The following SYTL2 variants were observed in gnomAD, a reference collection of about 807,000 sequenced individuals.
SYTL2 encodes synaptotagmin like 2, also known as synaptotagmin-like protein 2.
Under a neutral mutation model 198.7 loss-of-function variants are expected in SYTL2, and 165 were observed. The ratio of observed to expected loss-of-function variants is 0.83; its 90% confidence interval spans 0.73 to 0.94. SYTL2 has a LOEUF of 0.94. Among genes scored for constraint, SYTL2 ranks in the 40% least tolerant of loss-of-function variants. SYTL2 has a pLI of 0.00. For synonymous variants in SYTL2, 966 were observed against 917.7 expected (o/e 1.05, Z -0.95); for missense variants, 2,835 against 2,582.8 (o/e 1.10, Z -2.12).
chr11:85,772,435 T>C (rs1014259081), intron 1 of SYTL2, among the ~76,000 whole-genome samples: 2 of 152,216 alleles, frequency 1.3e-5, no homozygotes, highest in Non-Finnish European at 2.9e-5. Context: ...TGAAGTCCTA[T>C]AAGGTTGTAT....
chr11:85,724,762 T>C lies in SYTL2; in HGVS notation c.4596A>G (p.Thr1532=), dbSNP rs532374094. The C allele has an allele frequency of 3.3e-5, 54 of 1,612,950 alleles. No homozygotes were observed. Among genetic ancestry groups the C allele is most frequent in the Non-Finnish European group, 4.4e-5 (52 of 1,179,692 alleles). ...NLSPSKLIGS[T]EEPRRATSEC... ...CAGAAGTGGCTCGCCTGGGCTCCTC[T>C]GTACTACCTATTAACTTTGATGGAG... is the stretch of plus-strand genomic sequence containing the variant. Residue 1532 remains threonine (T), a synonymous_variant, in exon 8 of 20, where the codon ACA becomes ACG. Coordinates refer to ENST00000359152, the MANE Select transcript of SYTL2 (RefSeq NM_206927.4).
the SYTL2 span, among the ~76,000 whole-genome samples, chr11:85,821,802 G>A: frequency 6.6e-6 from 1 of 152,308 alleles, no homozygotes; most frequent in South Asian, 2.1e-4. Flanking sequence ...ATATACACAT[G>A]AGCATGTGGC....
chr11:85,825,171 G>A, the SYTL2 span, among the ~76,000 whole-genome samples: 6 of 152,186 alleles, frequency 3.9e-5, no homozygotes, highest in South Asian at 1.0e-3. Context: ...GGCGGATCAC[G>A]AGGTCAGGAG....
the SYTL2 span, chr11:85,853,148 C>T: frequency 5.6e-4 from 181 of 322,474 alleles, 1 homozygote; most frequent in Middle Eastern, 1.1e-3. Flanking sequence ...GCCGCCACCC[C>T]GTCTGGGAGG....
chr11:85,733,067 T>C (rs1338441519), intron 7 of SYTL2, among the ~76,000 whole-genome samples: 1 of 152,164 alleles, frequency 6.6e-6, no homozygotes, highest in East Asian at 1.9e-4. Flanking sequence ...AAGGAGAAAG[T>C]GCCTTCAGGG....
At chr11:85,768,911 T>C (rs2092299956) in intron 1 of SYTL2, among the ~76,000 whole-genome samples, 1 of 152,160 alleles carries the variant, frequency 6.6e-6, no homozygotes, top group Non-Finnish European at 1.5e-5. Context: ...GGTCTCTGGT[T>C]CTGCAGTAAC....
rs771197198 is a variant in SYTL2 at position 85,734,771 on chromosome 11, A to G, written c.587-29T>C. 5 of 1,493,376 alleles carry G rather than the reference A, an allele frequency of 3.3e-6. No homozygotes were observed. In the Admixed American group the frequency reaches 9.5e-5, roughly 28 times the overall value. 92.5% of individuals were successfully genotyped at this position (1,493,376 alleles called of 1,614,324 possible). A position where few individuals can be genotyped will look rare whatever the true frequency, so the allele number is the denominator to read the frequency against. On this transcript the variant is annotated intron_variant, in intron 6 of 19. Transcript: ENST00000359152. ...AAAATTAAAACACAGTAGGTGATAT[A>G]TCATATAGAGAGTAATATATAATTT...
At chr11:85,784,810 C>A (rs988599042) in intron 1 of SYTL2, among the ~76,000 whole-genome samples, 1 of 152,032 alleles carries the variant, frequency 6.6e-6, no homozygotes, top group Non-Finnish European at 1.5e-5. Context: ...CATCTTGAAT[C>A]CTGGTCTTCA....
intron 17 of SYTL2, among the ~76,000 whole-genome samples, chr11:85,698,757 T>C (rs1367130229): frequency 6.6e-6 from 1 of 152,228 alleles, no homozygotes; most frequent in Non-Finnish European, 1.5e-5. Flanking sequence ...CAGGCTTGTC[T>C]TGAACTCTTA....
At chr11:85,823,864 T>G in the SYTL2 span, among the ~76,000 whole-genome samples, 1 of 152,186 alleles carries the variant, frequency 6.6e-6, no homozygotes, top group Non-Finnish European at 1.5e-5. Context: ...CTACGTAAGC[T>G]CCAGTCATCT....
chr11:85,750,158 T>C (rs1471834986), intron 2 of SYTL2, among the ~76,000 whole-genome samples: 1 of 152,048 alleles, frequency 6.6e-6, no homozygotes, highest in African/African-American at 2.4e-5. Context: ...TACATCCAAA[T>C]CTCAGTTCTG....
At chr11:85,842,744 A>G in the SYTL2 span, among the ~76,000 whole-genome samples, 2 of 152,166 alleles carry the variant, frequency 1.3e-5, no homozygotes, top group Admixed American at 6.5e-5. Context: ...AGATCTGTGG[A>G]AAGTCATTTA....
At chr11:85,703,234 T>C (rs968582529) in intron 16 of SYTL2, among the ~76,000 whole-genome samples, 2 of 152,098 alleles carry the variant, frequency 1.3e-5, no homozygotes, top group Admixed American at 1.3e-4. Context: ...AAATAGTTGC[T>C]GAGAAATTTT....
upstream of SYTL2, among the ~76,000 whole-genome samples, chr11:85,812,852 G>A (rs1023123555): frequency 2.6e-5 from 4 of 152,176 alleles, no homozygotes; most frequent in South Asian, 2.1e-4. Flanking sequence ...GGCTGTTGGC[G>A]AATGATTTTA....
At chr11:85,708,987 C>T (rs925739587) in intron 14 of SYTL2, among the ~76,000 whole-genome samples, 3 of 151,416 alleles carry the variant, frequency 2.0e-5, no homozygotes, top group South Asian at 2.1e-4. Context: ...TACAGGCGCC[C>T]GCCACCACGC....
At chr11:85,755,633 G>A (rs887308879) in intron 2 of SYTL2, among the ~76,000 whole-genome samples, 4 of 152,158 alleles carry the variant, frequency 2.6e-5, no homozygotes, top group Admixed American at 2.0e-4. Context: ...CTAATTTCAG[G>A]CAGAACTTTG....
intron 2 of SYTL2, 56 bp from the exon 3 acceptor site, chr11:85,748,479 C>A: frequency 6.4e-7 from 1 of 1,554,520 alleles, no homozygotes; most frequent in Non-Finnish European, 8.8e-7. Context: ...TAAATGAGTT[C>A]ATTATGACAC....
rs2089383041 is a variant in SYTL2 at position 85,727,835 on chromosome 11, G to C, written c.1523C>G (p.Ala508Gly). The change falls in exon 8 of 20, where the codon GCC becomes GGC. Residue 508 changes from alanine to glycine, a missense_variant. This residue lies in a region of SYTL2 where 2,645 missense variants were observed against 2,381.7 expected (regional missense o/e 1.11). Coordinates refer to ENST00000359152, the MANE Select transcript of SYTL2 (RefSeq NM_206927.4). ...ATCAGTTGACTTCTTTATCTCAGTG[G>C]CATATGGACCAGAACGTGAAGATGT... is the stretch of plus-strand genomic sequence containing the variant. ...AKTSSRSGPY[A>G]TEIKKSTDDS... 2 of 1,611,100 alleles carry C rather than the reference G, an allele frequency of 1.2e-6. No homozygotes were observed. The highest frequency in any genetic ancestry group is 8.5e-7 in the Non-Finnish European group (1 of 1,178,866).
intron 15 of SYTL2, among the ~76,000 whole-genome samples, chr11:85,705,748 T>A (rs1389156418): frequency 6.6e-6 from 1 of 152,200 alleles, no homozygotes; most frequent in East Asian, 1.9e-4. Flanking sequence ...TCCACTGTGG[T>A]TGTAGTAAGT....
Sources: allele counts gnomAD v4.1 joint callset (sites outside exome capture counted in the v4.1 genomes callset), GRCh38; gene constraint gnomAD v4.1.1; regional missense constraint gnomAD v4.1.1; transcripts MANE v1.5; gene names NCBI Gene and HGNC (gene_info 2026-07-23, HGNC 2026-07-21).